GRIK3: variants seen among roughly 807,000 people sequenced by gnomAD.
GRIK3 encodes glutamate ionotropic receptor kainate type subunit 3, also known as glutamate receptor ionotropic, kainate 3.
In GRIK3, 29 loss-of-function variants were observed where a neutral mutation model predicts 102.5. The observed-to-expected ratio is 0.28, with a 90% CI of 0.21 to 0.39. The LOEUF (loss-of-function observed/expected upper bound fraction) is 0.39, where lower values mean the gene tolerates loss of function less well. Among genes scored for constraint, GRIK3 ranks in the 10% least tolerant of loss-of-function variants. The pLI is 1.00. For synonymous variants in GRIK3, 511 were observed against 504.9 expected (o/e 1.01, Z -0.16); for missense variants, 908 against 1,252.4 (o/e 0.73, Z 4.15).
At chr1:36,824,650 T>C (rs954541866) in intron 11 of GRIK3, among the ~76,000 whole-genome samples, 1 of 151,948 alleles carries the variant, frequency 6.6e-6, no homozygotes, top group Non-Finnish European at 1.5e-5. Context: ...CTTTGCACTT[T>C]GTTAGGATTT....
At chr1:36,987,463 C>T (rs1222827412) in intron 1 of GRIK3, among the ~76,000 whole-genome samples, 1 of 152,108 alleles carries the variant, frequency 6.6e-6, no homozygotes, top group Non-Finnish European at 1.5e-5. Context: ...TGTTGCTGAG[C>T]AGATAATCAT....
intron 1 of GRIK3, among the ~76,000 whole-genome samples, chr1:36,918,137 C>G (rs1016400797): frequency 1.3e-5 from 2 of 152,214 alleles, no homozygotes; most frequent in African/African-American, 4.8e-5. Flanking sequence ...TTCTGTGTAA[C>G]CTTCTGGTGT....
chr1:36,854,169 C>T (rs1640620766), intron 7 of GRIK3, among the ~76,000 whole-genome samples: 4 of 152,128 alleles, frequency 2.6e-5, no homozygotes. Context: ...ACCGAAATCA[C>T]CCCCCAACCT....
At chr1:36,993,586 T>C (rs1458114616) in intron 1 of GRIK3, among the ~76,000 whole-genome samples, 4 of 152,232 alleles carry the variant, frequency 2.6e-5, no homozygotes, top group African/African-American at 9.6e-5. Context: ...GACATTAATA[T>C]GCATCCTCAC....
chr1:36,965,175 G>A (rs1250455258), intron 1 of GRIK3, among the ~76,000 whole-genome samples: 1 of 152,174 alleles, frequency 6.6e-6, no homozygotes, highest in Non-Finnish European at 1.5e-5. Flanking sequence ...TTCCTCGCCT[G>A]TCAAATGAAC....
chr1:36,882,798 T>G (rs923260049), intron 2 of GRIK3, among the ~76,000 whole-genome samples: 4 of 152,164 alleles, frequency 2.6e-5, no homozygotes, highest in Non-Finnish European at 4.4e-5. Context: ...ATAGTCAGTG[T>G]GGGTTGAGCA....
intron 1 of GRIK3, among the ~76,000 whole-genome samples, chr1:36,967,717 C>A (rs1167503391): frequency 1.3e-5 from 2 of 152,170 alleles, no homozygotes; most frequent in East Asian, 3.8e-4. Flanking sequence ...CACTTGGGTG[C>A]CAGACACACT....
chr1:36,900,869 G>A (rs916049572), intron 1 of GRIK3, among the ~76,000 whole-genome samples: 1 of 151,922 alleles, frequency 6.6e-6, no homozygotes, highest in Non-Finnish European at 1.5e-5. Context: ...TGAAAGAGGG[G>A]ACATCTCTAC....
At chr1:36,987,574 A>G (rs1246246439) in intron 1 of GRIK3, among the ~76,000 whole-genome samples, 1 of 152,168 alleles carries the variant, frequency 6.6e-6, no homozygotes, top group Non-Finnish European at 1.5e-5. Context: ...TGGGGTATTC[A>G]TCCTCCAATC....
At chr1:37,001,202 T>G (rs1295635159) in intron 1 of GRIK3, among the ~76,000 whole-genome samples, 1 of 152,248 alleles carries the variant, frequency 6.6e-6, no homozygotes, top group African/African-American at 2.4e-5. Context: ...CGAGCTCCCA[T>G]GAGCCAATGG....
intron 1 of GRIK3, among the ~76,000 whole-genome samples, chr1:36,975,737 C>T (rs955270376): frequency 5.3e-5 from 8 of 152,202 alleles, no homozygotes; most frequent in Admixed American, 2.0e-4. Context: ...CTGCTGCGTG[C>T]TCCTGAGGCA....
At chr1:36,964,951 G>T (rs1479672980) in intron 1 of GRIK3, among the ~76,000 whole-genome samples, 1 of 152,212 alleles carries the variant, frequency 6.6e-6, no homozygotes, top group Non-Finnish European at 1.5e-5. Context: ...TTGAAACGCT[G>T]TTAATTCCCC....
At chr1:36,919,424 G>GGTTA (rs1223422610) in intron 1 of GRIK3, among the ~76,000 whole-genome samples, 1 of 151,602 alleles carries the variant, frequency 6.6e-6, no homozygotes, top group East Asian at 1.9e-4. Context: ...ACAATGTGCA[G>GGTTA]GTTAGTTACA....
chr1:36,898,512 C>T (rs944628273), intron 1 of GRIK3, among the ~76,000 whole-genome samples: 1 of 152,114 alleles, frequency 6.6e-6, no homozygotes, highest in Admixed American at 6.5e-5. Context: ...CTCTTCAAAA[C>T]ATTGTTGAAG....
intron 1 of GRIK3, among the ~76,000 whole-genome samples, chr1:36,961,833 T>C (rs1438498762): frequency 6.6e-6 from 1 of 152,242 alleles, no homozygotes; most frequent in Non-Finnish European, 1.5e-5. Context: ...TGCTCTGCAA[T>C]GGCACTGTCC....
intron 1 of GRIK3, among the ~76,000 whole-genome samples, chr1:36,937,214 C>G (rs1271875779): frequency 2.0e-5 from 3 of 152,182 alleles, no homozygotes; most frequent in African/African-American, 7.2e-5. Context: ...AAACTGAAGT[C>G]CTATCCTTGG....
chr1:36,912,927 A>G (rs1349849753), intron 1 of GRIK3, among the ~76,000 whole-genome samples: 5 of 152,238 alleles, frequency 3.3e-5, no homozygotes, highest in African/African-American at 1.2e-4. Context: ...AAATCAAAGA[A>G]CACACAAATA....
At position 36,973,704 on chromosome 1, in the gene GRIK3, C is replaced by T. The variant is rs56867255; in HGVS notation, c.115+60290G>A. ...TTGGCCTCCCAAAGTGCTGGGATTA[C>T]AGGCATGAGCCACCGCGCTGGGCCT... On this transcript the variant is annotated intron_variant, in intron 1 of 15. Coordinates refer to ENST00000373091, the MANE Select transcript of GRIK3 (RefSeq NM_000831.4). 6.5e-3 allele frequency among the ~76,000 whole-genome samples: 992 copies of T among 152,030 alleles called. 21 individuals are homozygous for T. The highest frequency in any genetic ancestry group is 0.047 in the East Asian group (243 of 5,158).
intron 5 of GRIK3, among the ~76,000 whole-genome samples, chr1:36,868,082 G>A (rs1640805641): frequency 6.6e-6 from 1 of 152,132 alleles, no homozygotes; most frequent in Non-Finnish European, 1.5e-5. Flanking sequence ...AGTGTCCCCG[G>A]GTCCAGGAGT....
Sources: gnomAD v4.1 joint callset for allele counts (sites outside exome capture counted in the v4.1 genomes callset) on GRCh38, gnomAD v4.1.1 for gene constraint, MANE v1.5 for transcripts, NCBI Gene and HGNC (gene_info 2026-07-23, HGNC 2026-07-21) for gene names.